HECTD2: variants seen among roughly 807,000 people sequenced by gnomAD.
The protein encoded by HECTD2 is probable E3 ubiquitin-protein ligase HECTD2.
Under a neutral mutation model 103.2 loss-of-function variants are expected in HECTD2, and 35 were observed. That is an observed-to-expected ratio of 0.34 (90% CI 0.26 to 0.45). The LOEUF (loss-of-function observed/expected upper bound fraction) is 0.45, where lower values mean the gene tolerates loss of function less well. Among genes scored for constraint, HECTD2 ranks in the 20% least tolerant of loss-of-function variants. The pLI, the probability that HECTD2 is intolerant of heterozygous loss-of-function variation, is 1.00. For synonymous variants in HECTD2, 281 were observed against 329.9 expected (o/e 0.85, Z 1.61); for missense variants, 596 against 937.4 (o/e 0.64, Z 4.76).
At chr10:91,428,962 C>G (rs922118082) in intron 2 of HECTD2, among the ~76,000 whole-genome samples, 12 of 152,032 alleles carry the variant, frequency 7.9e-5, no homozygotes, top group Non-Finnish European at 1.3e-4. Flanking sequence ...TGCCAGTTTT[C>G]AAAGGGAATG....
chr10:91,495,668 A>G (rs956731278), intron 14 of HECTD2, among the ~76,000 whole-genome samples: 1 of 152,112 alleles, frequency 6.6e-6, no homozygotes, highest in Non-Finnish European at 1.5e-5. Flanking sequence ...ACTCCAAGTA[A>G]CATAAGTCTT....
In HECTD2 at chr10:91,410,404, C is replaced by CGCCGCCGCCTGGCGCT. The variant is rs1157917444; in HGVS notation, c.-34_-19dup. The CGCCGCCGCCTGGCGCT allele has an allele frequency of 4.5e-6, 6 of 1,339,436 alleles. No individual in the cohort carries two copies. Among genetic ancestry groups the CGCCGCCGCCTGGCGCT allele is most frequent in the African/African-American group, 3.1e-5 (2 of 64,854 alleles). 83.0% of individuals were successfully genotyped at this position (1,339,436 alleles called of 1,614,324 possible). ...CCAGCCCCAGCAACACTGAGGCCGCCGCCGCCGCCTGGCGCTCCCGCCGCC... is the reference window on the plus strand; with the variant it reads ...CCAGCCCCAGCAACACTGAGGCCGCCGCCGCCGCCTGGCGCTGCCGCCGCCTGGCGCTCCCGCCGCC... On this transcript the variant is annotated 5_prime_UTR_variant, in exon 1 of 21. Transcript: ENST00000298068.
chr10:91,509,130 G>T (rs1450834165), intron 20 of HECTD2, among the ~76,000 whole-genome samples: 1 of 120,434 alleles, frequency 8.3e-6, no homozygotes, highest in Non-Finnish European at 1.7e-5. Flanking sequence ...GTTGTGGGGT[G>T]GGGGGAGGGG....
At chr10:91,412,511 G>A (rs1842958661) in intron 1 of HECTD2, among the ~76,000 whole-genome samples, 1 of 151,060 alleles carries the variant, frequency 6.6e-6, no homozygotes, top group South Asian at 2.1e-4. Context: ...CTGAAGTGCA[G>A]TAGCCTGATC....
At chr10:91,429,251 T>A (rs142897056) in intron 2 of HECTD2, among the ~76,000 whole-genome samples, 2 of 152,124 alleles carry the variant, frequency 1.3e-5, no homozygotes, top group African/African-American at 2.4e-5. Context: ...GTGGAGAAGC[T>A]TTTTGATGTG....
intron 2 of HECTD2, among the ~76,000 whole-genome samples, chr10:91,430,785 G>A (rs1843824943): frequency 1.3e-5 from 2 of 151,960 alleles, no homozygotes; most frequent in African/African-American, 2.4e-5. Context: ...CTGCATGTGC[G>A]ATGGGTTTCC....
rs1173979692 is a variant in HECTD2 at position 91,512,336 on chromosome 10, G to T, written c.2283G>T (p.Gln761His). The T allele has an allele frequency of 2.5e-6, 4 of 1,613,614 alleles. No homozygotes were observed. The Admixed American group carries it at 6.7e-5, about 27-fold the overall frequency. Residue 761 changes from glutamine (Q) to histidine (H), a missense_variant, in exon 21 of 21, where the codon CAG (glutamine) becomes CAT (histidine). Transcript: ENST00000298068. ...PPYKSKKDLK[Q>H]KLIIGISNSE... ...ACAAGAGCAAAAAGGATCTGAAACA[G>T]AAATTGATCATTGGAATTTCAAATT...
intron 1 of HECTD2, among the ~76,000 whole-genome samples, chr10:91,417,542 T>C (rs1027713021): frequency 5.0e-5 from 7 of 138,644 alleles, no homozygotes; most frequent in African/African-American, 1.8e-4. Context: ...CAGGCCCGGG[T>C]GTGTGATGTT....
intron 20 of HECTD2, among the ~76,000 whole-genome samples, 190 bp from the exon 21 acceptor site, chr10:91,512,074 T>G (rs1279906980): frequency 6.6e-6 from 1 of 152,194 alleles, no homozygotes; most frequent in Non-Finnish European, 1.5e-5. Context: ...ACAGCCTTAG[T>G]GTCTAGAGTG....
At chr10:91,493,599 A>G in intron 14 of HECTD2, 91 bp downstream of exon 14, 1 of 647,502 alleles carries the variant, frequency 1.5e-6, no homozygotes, top group Non-Finnish European at 2.6e-6. Context: ...TTCTTTAGCC[A>G]TTTTATCCAA....
intron 11 of HECTD2, among the ~76,000 whole-genome samples, chr10:91,490,864 T>C (rs1269010129): frequency 1.6e-5 from 2 of 125,278 alleles, no homozygotes; most frequent in Non-Finnish European, 3.1e-5. Context: ...GCAGTCCAGC[T>C]TGGGCGAAAG....
chr10:91,444,335 G>A (rs1268288262), intron 2 of HECTD2, among the ~76,000 whole-genome samples: 1 of 152,162 alleles, frequency 6.6e-6, no homozygotes, highest in East Asian at 1.9e-4. Flanking sequence ...GATTTTGGCA[G>A]AGCCTGAGAG....
At chr10:91,430,644 T>TTTCCCA (rs1843817258) in intron 2 of HECTD2, among the ~76,000 whole-genome samples, 1 of 152,210 alleles carries the variant, frequency 6.6e-6, no homozygotes, top group South Asian at 2.1e-4. Flanking sequence ...TGGCCTTCTT[T>TTTCCCA]GTCTCTTTTG....
At chr10:91,425,897 G>A (rs1359537632) in intron 2 of HECTD2, among the ~76,000 whole-genome samples, 2 of 151,842 alleles carry the variant, frequency 1.3e-5, no homozygotes, top group African/African-American at 4.8e-5. Flanking sequence ...TATAACATAG[G>A]TAAAAAGATA....
intron 5 of HECTD2, among the ~76,000 whole-genome samples, chr10:91,476,131 G>A (rs377596458): frequency 6.6e-6 from 1 of 152,182 alleles, no homozygotes; most frequent in Non-Finnish European, 1.5e-5. Flanking sequence ...GAATGTTTTA[G>A]TAGAGAGGGA....
intron 5 of HECTD2, among the ~76,000 whole-genome samples, chr10:91,474,917 G>T (rs970204923): frequency 6.6e-6 from 1 of 152,128 alleles, no homozygotes; most frequent in Non-Finnish European, 1.5e-5. Flanking sequence ...ACCATGAGAA[G>T]ATCTGTGAGA....
chr10:91,470,567 A>G (rs1845687646), intron 5 of HECTD2, among the ~76,000 whole-genome samples: 1 of 152,180 alleles, frequency 6.6e-6, no homozygotes, highest in Non-Finnish European at 1.5e-5. Context: ...GAAATTTTAT[A>G]AATCTAAATG....
chr10:91,453,589 A>C (rs533601524), intron 2 of HECTD2, among the ~76,000 whole-genome samples: 37 of 152,290 alleles, frequency 2.4e-4, no homozygotes, highest in African/African-American at 8.9e-4. Context: ...ATATAAATCA[A>C]AAGAGAATTC....
intron 2 of HECTD2, among the ~76,000 whole-genome samples, chr10:91,431,912 A>G (rs1226841936): frequency 4.0e-5 from 6 of 151,870 alleles, no homozygotes; most frequent in Non-Finnish European, 7.4e-5. Context: ...GCTTTGTTCC[A>G]TTACTGGTGA....
Sources: gnomAD v4.1 joint callset for allele counts (sites outside exome capture counted in the v4.1 genomes callset) on GRCh38, gnomAD v4.1.1 for gene constraint, MANE v1.5 for transcripts, NCBI Gene and HGNC (gene_info 2026-07-23, HGNC 2026-07-21) for gene names.